KLHL29: variants seen among roughly 807,000 people sequenced by gnomAD.
KLHL29 encodes the protein kelch like family member 29.
A neutral mutation model predicts 80.4 loss-of-function variants in KLHL29; 21 were observed. That is an observed-to-expected ratio of 0.26 (90% CI 0.19 to 0.38). The LOEUF (loss-of-function observed/expected upper bound fraction) is 0.38, where lower values mean the gene tolerates loss of function less well. KLHL29 is among the 10% of genes least tolerant of loss of function. KLHL29 has a pLI of 1.00. For missense variants in KLHL29, 867 were observed against 1,223.9 expected, an observed-to-expected ratio of 0.71 and a Z score of 4.35; for synonymous variants, 511 against 526.8, an observed-to-expected ratio of 0.97 and a Z score of 0.41.
intron 2 of KLHL29, among the ~76,000 whole-genome samples, chr2:23,510,100 G>C (rs1272975057): frequency 6.6e-6 from 1 of 152,120 alleles, no homozygotes; most frequent in Non-Finnish European, 1.5e-5. Context: ...GAGGAAATGA[G>C]ACGGAGGTGG....
intron 2 of KLHL29, among the ~76,000 whole-genome samples, chr2:23,545,757 G>A (rs976788499): frequency 7.2e-5 from 11 of 152,254 alleles, no homozygotes; most frequent in African/African-American, 2.4e-4. Context: ...TCCTCTTCTC[G>A]GGCGTGAAAA....
intron 1 of KLHL29, among the ~76,000 whole-genome samples, chr2:23,468,415 G>A (rs1233296675): frequency 6.6e-6 from 1 of 152,118 alleles, no homozygotes; most frequent in African/African-American, 2.4e-5. Flanking sequence ...TCTCTGTAAG[G>A]GGACCAGCAA....
chr2:23,675,914 G>T (rs1332840778), intron 5 of KLHL29, among the ~76,000 whole-genome samples: 1 of 152,156 alleles, frequency 6.6e-6, no homozygotes, highest in Non-Finnish European at 1.5e-5. Context: ...CCCCTAGCAC[G>T]CATCTGCATG....
Position 23,696,075 on chromosome 2 carries a change from C to G in KLHL29, c.1866C>G (p.Pro622=). The G allele has an allele frequency of 6.4e-7, 1 of 1,551,816 alleles. No individual in the cohort carries two copies. The highest frequency in any genetic ancestry group is 1.2e-5 in the South Asian group (1 of 84,060). The stretch of plus-strand genomic sequence containing the variant: ...AGTGGTACCCCTTGGCCTCGCTGCC[C>G]TTCTATGACCGCGAGTTCTTCAGTG... ...NNKWYPLASL[P]FYDREFFSVV... The change falls in exon 10 of 14, where the codon CCC becomes CCG. Residue 622 remains proline (P), a synonymous_variant. Coordinates refer to ENST00000486442, the MANE Select transcript of KLHL29 (RefSeq NM_052920.2). The surrounding 1 kb of genome is among the most constrained non-coding windows in gnomAD (Gnocchi z 5.5).
intron 2 of KLHL29, among the ~76,000 whole-genome samples, chr2:23,536,928 TCCCTCTCTCG>T (rs759177033): frequency 7.3e-5 from 10 of 136,998 alleles, no homozygotes; most frequent in South Asian, 2.4e-4. Flanking sequence ...ACTCTCTCTC[TCCCTCTCTCG>T]CTCTCTCTCT....
chr2:23,550,725 TAGAG>T (rs1269230455), intron 2 of KLHL29, among the ~76,000 whole-genome samples: 3 of 152,232 alleles, frequency 2.0e-5, no homozygotes, highest in Non-Finnish European at 4.4e-5. Context: ...GGCAGCCAAA[TAGAG>T]AGAAGGCATC....
In KLHL29 at chr2:23,681,934, G is replaced by A. The variant is rs1671095233; in HGVS notation, c.941-2465G>A. The stretch of plus-strand genomic sequence containing the variant: ...GTGCTGTCTCCCCTCCGCCTGGGCT[G>A]TGCGCAGGCGCCGCTGGGCTCTCTA... On this transcript the variant is annotated intron_variant, in intron 5 of 13. Coordinates refer to ENST00000486442, the MANE Select transcript of KLHL29 (RefSeq NM_052920.2). This position sits in a 1 kb window ranked among gnomAD's most constrained non-coding sequence, Gnocchi z 4.2. Among the ~76,000 whole-genome samples, 1 of 152,116 alleles carries A rather than the reference G, an allele frequency of 6.6e-6. No individual in the cohort carries two copies. The highest frequency in any genetic ancestry group is 6.5e-5 in the Admixed American group (1 of 15,284).
chr2:23,494,550 G>A (rs544667809), intron 2 of KLHL29, among the ~76,000 whole-genome samples: 13 of 152,184 alleles, frequency 8.5e-5, no homozygotes, highest in Admixed American at 7.2e-4. Context: ...GTGCTTTGTC[G>A]TGAATATCCA....
At chr2:23,426,044 G>T (rs1394580137) in intron 1 of KLHL29, among the ~76,000 whole-genome samples, 1 of 152,194 alleles carries the variant, frequency 6.6e-6, no homozygotes, top group Non-Finnish European at 1.5e-5. Flanking sequence ...GAGGATGACT[G>T]CACCCTTCCC....
intron 2 of KLHL29, among the ~76,000 whole-genome samples, chr2:23,510,104 G>A (rs1665723752): frequency 6.6e-6 from 1 of 152,144 alleles, no homozygotes; most frequent in Non-Finnish European, 1.5e-5. Context: ...AAATGAGACG[G>A]AGGTGGAGCT....
intron 3 of KLHL29, among the ~76,000 whole-genome samples, chr2:23,592,380 G>C (rs1329894603): frequency 6.6e-6 from 1 of 152,262 alleles, no homozygotes; most frequent in Non-Finnish European, 1.5e-5. Context: ...GCTGAGCCCT[G>C]CTGTCTCTGA....
chr2:23,531,962 C>T (rs989487738), intron 2 of KLHL29, among the ~76,000 whole-genome samples: 1 of 152,222 alleles, frequency 6.6e-6, no homozygotes, highest in Non-Finnish European at 1.5e-5. Flanking sequence ...CCACGACTCC[C>T]AAGTGCCACC....
At chr2:23,464,374 A>G (rs1401431963) in intron 1 of KLHL29, among the ~76,000 whole-genome samples, 1 of 152,290 alleles carries the variant, frequency 6.6e-6, no homozygotes, top group Middle Eastern at 3.4e-3. Flanking sequence ...CTTTCAGCCC[A>G]TGATAAATGG....
At chr2:23,541,691 C>T (rs981549822) in intron 2 of KLHL29, among the ~76,000 whole-genome samples, 4 of 151,448 alleles carry the variant, frequency 2.6e-5, no homozygotes, top group Admixed American at 6.6e-5. Flanking sequence ...GGACACAGTG[C>T]ATTCACCGTT....
rs375380244 is a variant in KLHL29 at position 23,435,531 on chromosome 2, G to C, written c.-153-40029G>C. ...CACAGGGCTGGGGAATGGTTTGGGT[G>C]ACATGATGAAGGGGAAGTCAAATTC... On this transcript the variant is annotated intron_variant, in intron 1 of 13. Transcript: ENST00000486442. 1.7e-4 allele frequency among the ~76,000 whole-genome samples: 26 copies of C among 152,322 alleles called. No homozygotes were observed. In the East Asian group the frequency reaches 2.9e-3, roughly 17 times the overall value.
At chr2:23,566,887 G>T (rs1324057016) in intron 3 of KLHL29, among the ~76,000 whole-genome samples, 3 of 152,240 alleles carry the variant, frequency 2.0e-5, no homozygotes, top group African/African-American at 7.2e-5. Flanking sequence ...GGTCTACCCA[G>T]TTATTCATAC....
intron 3 of KLHL29, among the ~76,000 whole-genome samples, chr2:23,638,141 C>T (rs1205260659): frequency 1.1e-4 from 16 of 140,550 alleles, no homozygotes; most frequent in African/African-American, 3.4e-4. Flanking sequence ...ATAAGTTACC[C>T]ATAATCCTCT....
intron 1 of KLHL29, among the ~76,000 whole-genome samples, chr2:23,427,926 T>A (rs7557436): frequency 0.51 from 77,148 of 152,036 alleles, 20,888 homozygotes; most frequent in African/African-American, 0.71. Context: ...GGCTCCTATC[T>A]GGGTGGTTAT....
chr2:23,583,622 G>T (rs1461329925), intron 3 of KLHL29, among the ~76,000 whole-genome samples: 1 of 152,220 alleles, frequency 6.6e-6, no homozygotes, highest in Admixed American at 6.5e-5. Flanking sequence ...GGGCAGACTT[G>T]TGAGTAGGAT....
Sources: allele counts gnomAD v4.1 joint callset (sites outside exome capture counted in the v4.1 genomes callset), GRCh38; gene constraint gnomAD v4.1.1; non-coding constraint Gnocchi (gnomAD v3.1); transcripts MANE v1.5; gene names NCBI Gene and HGNC (gene_info 2026-07-23, HGNC 2026-07-21).